Variants in PDZK1 observed in about 807,000 individuals in gnomAD.
PDZK1 encodes the protein PDZ domain containing 1.
In PDZK1, 23 loss-of-function variants were observed where a neutral mutation model predicts 38.1. The ratio of observed to expected loss-of-function variants is 0.60; its 90% CI spans 0.43 to 0.85. PDZK1 has a LOEUF of 0.85. PDZK1 is among the 40% of genes least tolerant of loss of function. The pLI is 0.00. For missense variants in PDZK1, 297 were observed against 504.3 expected, an observed-to-expected ratio of 0.59 and a Z score of 3.94; for synonymous variants, 98 against 186.2, an observed-to-expected ratio of 0.53 and a Z score of 3.86.
intron 1 of PDZK1, among the ~76,000 whole-genome samples, chr1:145,705,921 A>G (rs142168104): frequency 2.6e-5 from 4 of 151,746 alleles, no homozygotes; most frequent in Non-Finnish European, 5.9e-5. Context: ...GGATTAATTT[A>G]TTATTATTTT....
Position 145,693,801 on chromosome 1 carries a change from T to C in PDZK1, c.-2-5778A>G, listed in dbSNP as rs9662823. ...AAAAAAAAAATCACCCTAGGCTGCC[T>C]CGACTCCTCCTGTCTCCCCTCAGCC... On this transcript the variant is annotated intron_variant, in intron 1 of 8. Coordinates refer to ENST00000417171, the MANE Select transcript of PDZK1 (RefSeq NM_001201325.2). Among the ~76,000 whole-genome samples the C allele has an allele frequency of 2.1e-3, 311 of 147,988 alleles. 6 individuals carry two copies. The highest frequency in any genetic ancestry group is 2.4e-3 in the Non-Finnish European group (162 of 67,326).
At chr1:145,677,386 T>C (rs1653786291) in intron 6 of PDZK1, among the ~76,000 whole-genome samples, 1 of 151,202 alleles carries the variant, frequency 6.6e-6, no homozygotes, top group Admixed American at 6.6e-5. Context: ...TATGTTAATA[T>C]ATTTTCCATA....
chr1:145,685,884 C>T lies in PDZK1; in HGVS notation c.460+593G>A, dbSNP rs1157301630. Among the ~76,000 whole-genome samples the T allele has an allele frequency of 2.6e-5, 4 of 152,110 alleles. No homozygotes were observed. In the East Asian group the frequency reaches 7.7e-4, roughly 29 times the overall value. ...CACTATGTACCTCTTAGCCAGAGCTCAAAGATGCGCCTCAGAACAGGTGGG... is the reference window on the plus strand; with the variant it reads ...CACTATGTACCTCTTAGCCAGAGCTTAAAGATGCGCCTCAGAACAGGTGGG... On this transcript the variant is annotated intron_variant, in intron 3 of 8. Transcript: ENST00000417171.
chr1:145,702,503 T>C (rs1271426694), intron 1 of PDZK1, among the ~76,000 whole-genome samples: 12 of 152,114 alleles, frequency 7.9e-5, no homozygotes, highest in Admixed American at 1.3e-4. Flanking sequence ...TTTTTTGGTA[T>C]GTTTAAACTA....
chr1:145,675,101 T>C (rs761096506), intron 6 of PDZK1, among the ~76,000 whole-genome samples: 20 of 151,520 alleles, frequency 1.3e-4, no homozygotes, highest in Admixed American at 5.2e-4. Flanking sequence ...TGCCAAACTC[T>C]CCAACATCTT....
chr1:145,689,477 G>A (rs1446006631), intron 1 of PDZK1, among the ~76,000 whole-genome samples: 2 of 152,132 alleles, frequency 1.3e-5, no homozygotes, highest in African/African-American at 4.8e-5. Context: ...GTGTAAAACC[G>A]ACAGCTAGGG....
At chr1:145,678,067 A>C (rs1342874314) in intron 6 of PDZK1, among the ~76,000 whole-genome samples, 1 of 105,228 alleles carries the variant, frequency 9.5e-6, no homozygotes, top group East Asian at 2.7e-4. Context: ...CAAGTTGTTT[A>C]ATAATCCTTT....
chr1:145,683,474 A>T (rs1553700807), intron 3 of PDZK1, among the ~76,000 whole-genome samples: 5 of 152,198 alleles, frequency 3.3e-5, no homozygotes, highest in Non-Finnish European at 7.3e-5. Flanking sequence ...CTGTGGAGTC[A>T]TCTCACCAAT....
intron 1 of PDZK1, among the ~76,000 whole-genome samples, chr1:145,695,148 C>G (rs1163042903): frequency 6.6e-6 from 1 of 152,012 alleles, no homozygotes; most frequent in East Asian, 1.9e-4. Context: ...GGTGCGGTGG[C>G]TCACACCTGT....
At chr1:145,676,724 CAAA>C (rs1288329286) in intron 6 of PDZK1, among the ~76,000 whole-genome samples, 3 of 79,122 alleles carry the variant, frequency 3.8e-5, no homozygotes, top group African/African-American at 4.9e-5. Context: ...GACAACGTCT[CAAA>C]AAAAAAAAAA....
rs1652976782 is a variant in PDZK1 at position 145,671,057 on chromosome 1, G to GCTAAGATGCTTTTATAA, written c.*362_*378dup. 1 of 193,458 alleles carries GCTAAGATGCTTTTATAA rather than the reference G, an allele frequency of 5.2e-6. No individual in the cohort carries two copies. The highest frequency in any genetic ancestry group is 1.1e-5 in the Non-Finnish European group (1 of 94,074). The allele number at this position is 193,458 out of a possible 1,614,324, so 12.0% of individuals were successfully genotyped here. A position where few individuals can be genotyped will look rare whatever the true frequency, so the allele number is the denominator to read the frequency against. On this transcript the variant is annotated 3_prime_UTR_variant, in exon 9 of 9. Transcript: ENST00000417171. ...AAGCACAATTTTAATAGGCTTATCTGCTAAGATGCTTTTATAAGCAGCTGT... is the reference window on the plus strand; with the variant it reads ...AAGCACAATTTTAATAGGCTTATCTGCTAAGATGCTTTTATAACTAAGATGCTTTTATAAGCAGCTGT...
At chr1:145,687,329 C>G (rs1310946714) in intron 2 of PDZK1, among the ~76,000 whole-genome samples, 1 of 149,298 alleles carries the variant, frequency 6.7e-6, no homozygotes, top group Middle Eastern at 3.2e-3. Flanking sequence ...ACCATCCTGG[C>G]TAACACGGTG....
intron 3 of PDZK1, 58 bp from the exon 4 acceptor site, chr1:145,682,694 G>C (rs587662472): frequency 7.2e-6 from 10 of 1,389,080 alleles, no homozygotes; most frequent in Middle Eastern, 2.6e-4. Context: ...CTCTTGGATG[G>C]TAATCTGTGA....
chr1:145,682,009 AAC>A (rs71077284), intron 4 of PDZK1, among the ~76,000 whole-genome samples: 494 of 107,504 alleles, frequency 4.6e-3, no homozygotes, highest in African/African-American at 5.2e-3. Context: ...ATCTCTACAA[AAC>A]ACACACACAC....
At chr1:145,700,842 A>G (rs1655915926) in intron 1 of PDZK1, among the ~76,000 whole-genome samples, 1 of 152,170 alleles carries the variant, frequency 6.6e-6, no homozygotes. Context: ...CACCACGAAG[A>G]CAACAGAGCC....
At chr1:145,684,044 G>A (rs1387730757) in intron 3 of PDZK1, among the ~76,000 whole-genome samples, 5 of 149,938 alleles carry the variant, frequency 3.3e-5, no homozygotes, top group Admixed American at 6.7e-5. Context: ...ATGGGGTTTC[G>A]CCATGTTGGC....
At chr1:145,685,126 T>C (rs1553701390) in intron 3 of PDZK1, among the ~76,000 whole-genome samples, 1 of 151,874 alleles carries the variant, frequency 6.6e-6, no homozygotes, top group African/African-American at 2.4e-5. Context: ...TGGTTCACAA[T>C]GCAAAAATTA....
intron 1 of PDZK1, among the ~76,000 whole-genome samples, chr1:145,701,471 G>A (rs1655957392): frequency 6.6e-6 from 1 of 152,052 alleles, no homozygotes; most frequent in African/African-American, 2.4e-5. Context: ...CAGGACGCTT[G>A]ACCACAGTGT....
chr1:145,691,201 C>T (rs1449506223), intron 1 of PDZK1, among the ~76,000 whole-genome samples: 4 of 152,182 alleles, frequency 2.6e-5, no homozygotes, highest in African/African-American at 9.7e-5. Flanking sequence ...GAAAGCAGAC[C>T]TAAACCTCAA....
Sources: gnomAD v4.1 joint callset for allele counts (sites outside exome capture counted in the v4.1 genomes callset) on GRCh38, gnomAD v4.1.1 for gene constraint, MANE v1.5 for transcripts, NCBI Gene and HGNC (gene_info 2026-07-23, HGNC 2026-07-21) for gene names.